The following DLG2 variants were observed in gnomAD, a reference collection of about 807,000 sequenced individuals.
The protein encoded by DLG2 is discs large MAGUK scaffold protein 2.
In DLG2, 45 loss-of-function variants were observed where a neutral mutation model predicts 132.5. The observed-to-expected ratio is 0.34, with a 90% CI of 0.27 to 0.44. The LOEUF is 0.44. Ranked by LOEUF, DLG2 falls within the 20% of genes least tolerant of loss-of-function variation. The pLI is 1.00. For missense variants in DLG2, 1,045 were observed against 1,196.9 expected (o/e 0.87, Z 1.87); for synonymous variants, 424 against 419.6 (o/e 1.01, Z -0.13).
chr11:85,064,682 T>C (rs1170218536), intron 6 of DLG2, among the ~76,000 whole-genome samples: 1 of 151,666 alleles, frequency 6.6e-6, no homozygotes. Flanking sequence ...AGATGTTGCT[T>C]TGAAGGTATT....
chr11:83,470,156 AAC>A (rs2091837201), intron 24 of DLG2, among the ~76,000 whole-genome samples: 1 of 144,326 alleles, frequency 6.9e-6, no homozygotes, highest in Admixed American at 6.8e-5. Context: ...TAATAATTAT[AAC>A]ACAATTACGA....
intron 15 of DLG2, among the ~76,000 whole-genome samples, chr11:83,884,697 C>G (rs944900492): frequency 6.6e-6 from 1 of 152,196 alleles, no homozygotes; most frequent in African/African-American, 2.4e-5. Flanking sequence ...AGGCACCCCC[C>G]AGTAGGGGCA....
chr11:85,505,965 G>T (rs1344856156), intron 3 of DLG2, among the ~76,000 whole-genome samples: 1 of 151,968 alleles, frequency 6.6e-6, no homozygotes, highest in Admixed American at 6.6e-5. Flanking sequence ...TATGTGTCCA[G>T]GAATTTATCC....
chr11:84,444,988 A>C (rs2099029166), intron 7 of DLG2, among the ~76,000 whole-genome samples: 1 of 152,018 alleles, frequency 6.6e-6, no homozygotes, highest in African/African-American at 2.4e-5. Context: ...TTTTTAGTAG[A>C]GACAGGGTTC....
chr11:83,772,770 GT>G, intron 18 of DLG2, among the ~76,000 whole-genome samples: 1 of 152,138 alleles, frequency 6.6e-6, no homozygotes, highest in Non-Finnish European at 1.5e-5. Context: ...CCTGTTAAGT[GT>G]TTTTTTCTTC....
At chr11:85,206,343 A>G (rs2081892090) in intron 4 of DLG2, among the ~76,000 whole-genome samples, 1 of 152,170 alleles carries the variant, frequency 6.6e-6, no homozygotes, top group Non-Finnish European at 1.5e-5. Context: ...GAACAGACTA[A>G]TACATAGTAG....
At chr11:85,397,983 C>T (rs2087586956) in intron 3 of DLG2, among the ~76,000 whole-genome samples, 1 of 152,182 alleles carries the variant, frequency 6.6e-6, no homozygotes, top group Non-Finnish European at 1.5e-5. Flanking sequence ...ACATTGTTCT[C>T]AGCACCACAT....
At chr11:83,790,478 C>G in intron 17 of DLG2, 2 of 1,224,190 alleles carry the variant, frequency 1.6e-6, no homozygotes, top group South Asian at 2.5e-5. Context: ...TTGTCACTAC[C>G]ATGGGACCAC....
chr11:85,210,146 A>T (rs769799645), intron 4 of DLG2, among the ~76,000 whole-genome samples: 2 of 152,158 alleles, frequency 1.3e-5, no homozygotes, highest in Non-Finnish European at 2.9e-5. Context: ...TCCCCATTAG[A>T]ATGTAAACCC....
intron 6 of DLG2, among the ~76,000 whole-genome samples, chr11:84,607,563 TAAAG>T (rs879519538): frequency 2.0e-5 from 3 of 152,072 alleles, no homozygotes; most frequent in Non-Finnish European, 2.9e-5. Context: ...ACTTATTAAA[TAAAG>T]AGTCAGGTAA....
chr11:84,401,816 G>A (rs960603683), intron 7 of DLG2, among the ~76,000 whole-genome samples: 1 of 152,152 alleles, frequency 6.6e-6, no homozygotes, highest in African/African-American at 2.4e-5. Context: ...CCGAGTAGCT[G>A]GGACTACAGG....
At chr11:83,851,176 C>A (rs1295740120) in intron 16 of DLG2, among the ~76,000 whole-genome samples, 11 of 129,984 alleles carry the variant, frequency 8.5e-5, no homozygotes, top group Admixed American at 2.3e-4. Context: ...GACTCCGTCT[C>A]AAAAAAAAAA....
intron 19 of DLG2, chr11:83,631,592 G>A: frequency 6.6e-6 from 1 of 152,098 alleles, no homozygotes; most frequent in Non-Finnish European, 1.5e-5. Context: ...TTTCAAATAA[G>A]TGTATTAGTT....
At chr11:84,668,581 A>G (rs553801639) in intron 6 of DLG2, among the ~76,000 whole-genome samples, 4 of 152,280 alleles carry the variant, frequency 2.6e-5, no homozygotes, top group South Asian at 2.1e-4. Flanking sequence ...AGCTACATCT[A>G]TTGAACGCTT....
At chr11:85,231,769 C>T (rs746416703) in intron 4 of DLG2, among the ~76,000 whole-genome samples, 1 of 151,878 alleles carries the variant, frequency 6.6e-6, no homozygotes, top group Non-Finnish European at 1.5e-5. Context: ...AGGCCTCCTC[C>T]AAACGCATGA....
rs575809773 is a variant in DLG2 at position 85,489,202 on chromosome 11, T to A, written c.40+109455A>T. 1.5e-4 allele frequency among the ~76,000 whole-genome samples: 23 copies of A among 151,724 alleles called. No individual in the cohort carries two copies. In the South Asian group the frequency reaches 4.4e-3, roughly 29 times the overall value. ...CCAATCTTACCTAGAAAGAAACACA[T>A]AGACTAAAAGTAAAGAGGTAGAAAA... is the stretch of plus-strand genomic sequence containing the variant. On this transcript the variant is annotated intron_variant, in intron 3 of 27. Coordinates refer to ENST00000376104, the MANE Select transcript of DLG2 (RefSeq NM_001142699.3).
chr11:84,028,707 T>G (rs1303200927), intron 11 of DLG2, among the ~76,000 whole-genome samples: 12 of 152,116 alleles, frequency 7.9e-5, no homozygotes, highest in Admixed American at 7.9e-4. Context: ...TTGGCTGGAG[T>G]GCCCTTCTCC....
At chr11:83,823,676 C>T (rs2051543847) in intron 17 of DLG2, among the ~76,000 whole-genome samples, 1 of 152,072 alleles carries the variant, frequency 6.6e-6, no homozygotes, top group Non-Finnish European at 1.5e-5. Context: ...TTCATTCATT[C>T]GTTCATTAAA....
At chr11:85,230,078 T>C (rs2075213115) in intron 4 of DLG2, among the ~76,000 whole-genome samples, 1 of 152,026 alleles carries the variant, frequency 6.6e-6, no homozygotes, top group Non-Finnish European at 1.5e-5. Flanking sequence ...TGTACACCTA[T>C]GTAACAAAAT....
Sources: allele counts gnomAD v4.1 joint callset (sites outside exome capture counted in the v4.1 genomes callset), GRCh38; gene constraint gnomAD v4.1.1; transcripts MANE v1.5; gene names NCBI Gene and HGNC (gene_info 2026-07-23, HGNC 2026-07-21).